Variants in NOL4 observed in about 807,000 individuals in gnomAD.
NOL4 encodes nucleolar protein 4.
In NOL4, 17 loss-of-function variants were observed where a neutral mutation model predicts 75.9. The ratio of observed to expected loss-of-function variants is 0.22; its 90% CI spans 0.15 to 0.34. The LOEUF is 0.34. Ranked by LOEUF, NOL4 falls within the 10% of genes least tolerant of loss-of-function variation. NOL4 has a pLI of 1.00. For synonymous variants in NOL4, 292 were observed against 289.9 expected (o/e 1.01, Z -0.07); for missense variants, 614 against 793.5 (o/e 0.77, Z 2.72).
At chr18:34,117,525 G>A (rs983226509) in intron 2 of NOL4, among the ~76,000 whole-genome samples, 3 of 152,138 alleles carry the variant, frequency 2.0e-5, no homozygotes, top group Non-Finnish European at 4.4e-5. Flanking sequence ...GAATACAAGG[G>A]TCAGTCAAGC....
chr18:33,938,508 T>G (rs1209849454), intron 9 of NOL4, among the ~76,000 whole-genome samples: 5 of 152,180 alleles, frequency 3.3e-5, no homozygotes, highest in Non-Finnish European at 7.3e-5. Flanking sequence ...ATTGTGGTTT[T>G]GATTTGCATT....
chr18:34,112,029 C>T (rs1377439180), intron 2 of NOL4, among the ~76,000 whole-genome samples: 1 of 152,122 alleles, frequency 6.6e-6, no homozygotes, highest in East Asian at 1.9e-4. Context: ...AAAGAGATAT[C>T]TGCACTCCTA....
Position 33,973,030 on chromosome 18 carries a change from A to G in NOL4, c.1057-14612T>C, listed in dbSNP as rs1022611015. Among the ~76,000 whole-genome samples, 9 of 152,348 alleles carry G rather than the reference A, an allele frequency of 5.9e-5. No individual in the cohort carries two copies. In the East Asian group the frequency reaches 9.6e-4, roughly 16 times the overall value. ...CTTTCATTCAAGATTTCTCTGTAAC[A>G]TGTGAGGTTGTTTGATAGCATTTTA... On this transcript the variant is annotated intron_variant, in intron 6 of 10. Coordinates refer to ENST00000261592, the MANE Select transcript of NOL4 (RefSeq NM_003787.5).
chr18:33,953,234 A>C lies in NOL4; in HGVS notation c.1428+4092T>G, dbSNP rs867907086. Among the ~76,000 whole-genome samples the C allele has an allele frequency of 1.5e-4, 23 of 150,962 alleles. 2 individuals are homozygous for C. The highest frequency in any genetic ancestry group is 5.6e-4 in the African/African-American group (23 of 41,132). Reference sequence around the variant, plus strand: ...AGTGGTTTCTAAATTTCTTTTGTGTAGGATATTTTTAAACTGCAAATACAC... The same window carrying C: ...AGTGGTTTCTAAATTTCTTTTGTGTCGGATATTTTTAAACTGCAAATACAC... On this transcript the variant is annotated intron_variant, in intron 8 of 10. Transcript: ENST00000261592.
chr18:34,182,083 T>A (rs2034087011), intron 1 of NOL4, among the ~76,000 whole-genome samples: 1 of 151,500 alleles, frequency 6.6e-6, no homozygotes, highest in African/African-American at 2.4e-5. Flanking sequence ...CAAAAAAATA[T>A]ATATCAGCAC....
intron 1 of NOL4, among the ~76,000 whole-genome samples, chr18:34,206,491 T>C (rs928266806): frequency 1.1e-4 from 16 of 151,832 alleles, no homozygotes; most frequent in Non-Finnish European, 1.6e-4. Context: ...GAAAATCTTA[T>C]ATCACCTGTT....
At chr18:34,152,050 C>G (rs2081664562) in intron 1 of NOL4, among the ~76,000 whole-genome samples, 1 of 151,598 alleles carries the variant, frequency 6.6e-6, no homozygotes, top group Non-Finnish European at 1.5e-5. Flanking sequence ...ATCTTTGTAT[C>G]CCTTTTTAGT....
intron 10 of NOL4, among the ~76,000 whole-genome samples, chr18:33,853,876 T>A (rs2062727733): frequency 6.6e-6 from 1 of 152,150 alleles, no homozygotes; most frequent in South Asian, 2.1e-4. Flanking sequence ...TTTTGTAAAT[T>A]TTTACTTAAA....
At chr18:33,954,484 A>G (rs2069496712) in intron 8 of NOL4, among the ~76,000 whole-genome samples, 1 of 152,044 alleles carries the variant, frequency 6.6e-6, no homozygotes, top group African/African-American at 2.4e-5. Flanking sequence ...AGAAAGATGA[A>G]CTCAGATTGT....
At chr18:33,911,736 C>A (rs539819197) in intron 9 of NOL4, among the ~76,000 whole-genome samples, 1 of 152,066 alleles carries the variant, frequency 6.6e-6, no homozygotes, top group Non-Finnish European at 1.5e-5. Context: ...TTCTGGGGAA[C>A]AATTCTAGTC....
chr18:34,189,415 A>T (rs1445421760), intron 1 of NOL4, among the ~76,000 whole-genome samples: 1 of 152,156 alleles, frequency 6.6e-6, no homozygotes, highest in Non-Finnish European at 1.5e-5. Context: ...CTGGGGACCA[A>T]ATTTCCAACA....
At chr18:34,222,530 G>A (rs538265516) in intron 1 of NOL4, 1 of 813,060 alleles carries the variant, frequency 1.2e-6, no homozygotes, top group African/African-American at 1.9e-5. Context: ...CGGGCTTTAT[G>A]CCAATAAGGA....
intron 1 of NOL4, among the ~76,000 whole-genome samples, chr18:34,142,598 G>C (rs1026049548): frequency 6.6e-6 from 1 of 151,974 alleles, no homozygotes; most frequent in Non-Finnish European, 1.5e-5. Flanking sequence ...ACCAAACATC[G>C]CATGTTCTCA....
At chr18:34,047,572 A>C (rs2076438031) in intron 5 of NOL4, among the ~76,000 whole-genome samples, 1 of 152,136 alleles carries the variant, frequency 6.6e-6, no homozygotes, top group South Asian at 2.1e-4. Flanking sequence ...GTTTTGAAAA[A>C]TTCTTTTCAA....
intron 6 of NOL4, among the ~76,000 whole-genome samples, chr18:34,007,745 T>A (rs1175390498): frequency 6.6e-6 from 1 of 152,036 alleles, no homozygotes; most frequent in Non-Finnish European, 1.5e-5. Flanking sequence ...GGATTTTACC[T>A]CCTCTTCTGG....
chr18:34,126,802 A>G (rs1220276951), intron 2 of NOL4, among the ~76,000 whole-genome samples: 2 of 152,044 alleles, frequency 1.3e-5, no homozygotes, highest in African/African-American at 4.8e-5. Flanking sequence ...CCAAATTGCT[A>G]ACCACATCTG....
At chr18:34,208,259 G>C (rs1026332171) in intron 1 of NOL4, among the ~76,000 whole-genome samples, 2 of 152,016 alleles carry the variant, frequency 1.3e-5, no homozygotes, top group African/African-American at 4.8e-5. Flanking sequence ...AGAGTTTTTA[G>C]TATAATCAGT....
chr18:33,884,156 A>G (rs1568004930), intron 9 of NOL4, among the ~76,000 whole-genome samples: 1 of 152,130 alleles, frequency 6.6e-6, no homozygotes, highest in Non-Finnish European at 1.5e-5. Flanking sequence ...ATGAAGAGAT[A>G]TTACAATGGA....
In NOL4 at chr18:34,143,173, T is replaced by G. The variant is rs898072330; in HGVS notation, c.265-13153A>C. ...AAACAATCCACAATGTAGAGTAGAG[T>G]GCGGAGTGAAAACAGAAGTGGCTCA... is the stretch of plus-strand genomic sequence containing the variant. On this transcript the variant is annotated intron_variant, in intron 1 of 10. Coordinates refer to ENST00000261592, the MANE Select transcript of NOL4 (RefSeq NM_003787.5). Among the ~76,000 whole-genome samples the G allele has an allele frequency of 4.0e-5, 6 of 151,782 alleles. No homozygotes were observed. In the South Asian group the frequency reaches 8.3e-4, roughly 21 times the overall value.
Sources: gnomAD v4.1 joint callset for allele counts (sites outside exome capture counted in the v4.1 genomes callset) on GRCh38, gnomAD v4.1.1 for gene constraint, MANE v1.5 for transcripts, NCBI Gene and HGNC (gene_info 2026-07-23, HGNC 2026-07-21) for gene names.